TRDN: variants seen among roughly 807,000 people sequenced by gnomAD.
TRDN encodes triadin in skeletal muscle.
TRDN carries 161 observed loss-of-function variants against 149.7 expected under a neutral mutation model. The observed-to-expected ratio is 1.08, with a 90% CI of 0.95 to 1.23. The LOEUF is 1.23. Ranked by LOEUF, TRDN falls within the 50% of genes most tolerant of loss-of-function variation. TRDN has a pLI of 0.00. For missense variants in TRDN, 896 were observed against 823.5 expected (o/e 1.09, Z -1.08); for synonymous variants, 294 against 250.5 (o/e 1.17, Z -1.64).
chr6:123,584,856 A>G (rs891131539), intron 1 of TRDN, among the ~76,000 whole-genome samples: 14 of 152,320 alleles, frequency 9.2e-5, no homozygotes, highest in African/African-American at 3.1e-4. Flanking sequence ...CACGGGGTGG[A>G]TAGGCAAAAC....
chr6:123,426,238 A>C (rs1774113719), intron 12 of TRDN, among the ~76,000 whole-genome samples: 1 of 152,170 alleles, frequency 6.6e-6, no homozygotes, highest in African/African-American at 2.4e-5. Context: ...TGAGAAAAAA[A>C]GGAAGCAAAT....
chr6:123,304,252 C>CTTTTTTTTTTT (rs71649806), intron 24 of TRDN, among the ~76,000 whole-genome samples: 2 of 128,954 alleles, frequency 1.6e-5, no homozygotes, highest in South Asian at 2.4e-4. Context: ...CTTTTATTTT[C>CTTTTTTTTTTT]TTTTTTTTTT....
intron 7 of TRDN, among the ~76,000 whole-genome samples, chr6:123,510,992 CTATT>C (rs1562355775): frequency 2.6e-5 from 4 of 152,202 alleles, no homozygotes; most frequent in South Asian, 2.1e-4. Flanking sequence ...CAGAAGTTGT[CTATT>C]TGTCTATTTT....
chr6:123,556,527 A>G (rs578102897), intron 2 of TRDN, among the ~76,000 whole-genome samples: 1 of 152,232 alleles, frequency 6.6e-6, no homozygotes, highest in East Asian at 1.9e-4. Flanking sequence ...TCTAATTGCA[A>G]TATAATTTTT....
At chr6:123,556,221 T>A (rs1020216881) in intron 2 of TRDN, among the ~76,000 whole-genome samples, 3 of 152,116 alleles carry the variant, frequency 2.0e-5, no homozygotes, top group African/African-American at 7.2e-5. Context: ...TTGCCATACT[T>A]AGGAATAAAT....
chr6:123,282,848 T>C (rs1174205010), intron 24 of TRDN, among the ~76,000 whole-genome samples: 1 of 151,940 alleles, frequency 6.6e-6, no homozygotes, highest in Non-Finnish European at 1.5e-5. Context: ...GTAAGTGTAA[T>C]ATTATTTGGG....
chr6:123,590,424 T>A (rs1783722076), intron 1 of TRDN, among the ~76,000 whole-genome samples: 1 of 152,154 alleles, frequency 6.6e-6, no homozygotes, highest in African/African-American at 2.4e-5. Context: ...CAATTCTACA[T>A]TATGGTGAGT....
intron 12 of TRDN, among the ~76,000 whole-genome samples, chr6:123,433,662 G>C (rs1488561183): frequency 6.6e-6 from 1 of 151,932 alleles, no homozygotes; most frequent in Non-Finnish European, 1.5e-5. Flanking sequence ...CTATTGGAAA[G>C]TGTGATAATT....
In TRDN at chr6:123,620,208, G is replaced by A. The variant is rs1302127724; in HGVS notation, c.22+16546C>T. On this transcript the variant is annotated intron_variant, in intron 1 of 40. Transcript: ENST00000334268. ...TCTATATGTAGTTAACTAGGGTTGCGGCTTTAAAACTTCAACGTGTGTCAG... is the reference window on the plus strand; with the variant it reads ...TCTATATGTAGTTAACTAGGGTTGCAGCTTTAAAACTTCAACGTGTGTCAG... Among the ~76,000 whole-genome samples, 6 of 152,090 alleles carry A rather than the reference G, an allele frequency of 3.9e-5. No homozygotes were observed. The East Asian group carries it at 9.6e-4, about 24-fold the overall frequency.
intron 1 of TRDN, among the ~76,000 whole-genome samples, chr6:123,624,027 T>C (rs900454643): frequency 6.6e-6 from 1 of 152,184 alleles, no homozygotes; most frequent in Non-Finnish European, 1.5e-5. Flanking sequence ...GAGTTACATA[T>C]ACAATTATCT....
chr6:123,494,913 T>A (rs1778375415), intron 9 of TRDN, among the ~76,000 whole-genome samples: 1 of 151,934 alleles, frequency 6.6e-6, no homozygotes, highest in South Asian at 2.1e-4. Context: ...TTTGTATTTT[T>A]AGTAGAGACG....
intron 31 of TRDN, among the ~76,000 whole-genome samples, chr6:123,268,724 A>T (rs1777100532): frequency 6.6e-6 from 1 of 152,066 alleles, no homozygotes; most frequent in South Asian, 2.1e-4. Flanking sequence ...ATATTCGTAC[A>T]TTAGGAACTG....
chr6:123,235,708 T>A (rs1475857344), intron 38 of TRDN, among the ~76,000 whole-genome samples: 1 of 152,158 alleles, frequency 6.6e-6, no homozygotes, highest in Non-Finnish European at 1.5e-5. Flanking sequence ...TTTGTTCTCC[T>A]CCTTTATAGT....
chr6:123,608,439 C>G (rs1480266254), intron 1 of TRDN, among the ~76,000 whole-genome samples: 1 of 152,012 alleles, frequency 6.6e-6, no homozygotes, highest in African/African-American at 2.4e-5. Context: ...TCATAAATAT[C>G]TTAGTGAAAA....
At chr6:123,294,122 C>T (rs757301048) in intron 24 of TRDN, among the ~76,000 whole-genome samples, 70 of 152,114 alleles carry the variant, frequency 4.6e-4, no homozygotes, top group Admixed American at 9.2e-4. Context: ...GATTATTTAC[C>T]GGCTGAACAC....
At chr6:123,541,134 A>C (rs1780813608) in intron 4 of TRDN, among the ~76,000 whole-genome samples, 1 of 152,162 alleles carries the variant, frequency 6.6e-6, no homozygotes, top group Admixed American at 6.5e-5. Flanking sequence ...TACTCATCTT[A>C]GGTACAGGTA....
At chr6:123,264,172 C>A (rs1776861833) in intron 33 of TRDN, among the ~76,000 whole-genome samples, 1 of 152,048 alleles carries the variant, frequency 6.6e-6, no homozygotes, top group Non-Finnish European at 1.5e-5. Context: ...TATAGTGACT[C>A]ATCTGATAGA....
intron 38 of TRDN, among the ~76,000 whole-genome samples, chr6:123,240,547 A>T (rs1775952696): frequency 1.3e-5 from 2 of 151,902 alleles, no homozygotes; most frequent in African/African-American, 4.8e-5. Context: ...CAAAGTAGTA[A>T]AAGAGACTTA....
At chr6:123,272,440 T>A (rs1777235668) in intron 29 of TRDN, among the ~76,000 whole-genome samples, 1 of 151,854 alleles carries the variant, frequency 6.6e-6, no homozygotes, top group Non-Finnish European at 1.5e-5. Context: ...ATCTTTTTTT[T>A]ACAAGCAGAA....
Sources: gnomAD v4.1 joint callset for allele counts (sites outside exome capture counted in the v4.1 genomes callset) on GRCh38, gnomAD v4.1.1 for gene constraint, MANE v1.5 for transcripts, NCBI Gene and HGNC (gene_info 2026-07-23, HGNC 2026-07-21) for gene names.